The following IMMP2L variants were observed in gnomAD, a reference collection of about 807,000 sequenced individuals.
IMMP2L encodes mitochondrial inner membrane protease subunit 2.
IMMP2L carries 18 observed loss-of-function variants against 19.3 expected under a neutral mutation model. The observed-to-expected ratio is 0.93, with a 90% confidence interval of 0.64 to 1.38. The LOEUF (loss-of-function observed/expected upper bound fraction) is 1.38, where lower values mean the gene tolerates loss of function less well. IMMP2L is among the 40% of genes most tolerant of loss of function. The pLI, the probability that IMMP2L is intolerant of heterozygous loss-of-function variation, is 0.00. For synonymous variants in IMMP2L, 76 were observed against 73.0 expected, an observed-to-expected ratio of 1.04 and a Z score of -0.21; for missense variants, 233 against 218.2, an observed-to-expected ratio of 1.07 and a Z score of -0.43.
At chr7:111,532,253 C>T (rs1847462322) in intron 1 of IMMP2L, among the ~76,000 whole-genome samples, 1 of 152,134 alleles carries the variant, frequency 6.6e-6, no homozygotes, top group Non-Finnish European at 1.5e-5. Flanking sequence ...TTTGCTACCT[C>T]ACATTTTTTC....
At chr7:111,021,820 T>C (rs1585799582) in intron 3 of IMMP2L, among the ~76,000 whole-genome samples, 2 of 151,912 alleles carry the variant, frequency 1.3e-5, no homozygotes, top group Non-Finnish European at 1.5e-5. Flanking sequence ...AAGGCAGAGG[T>C]TGCAGTGAGC....
intron 4 of IMMP2L, among the ~76,000 whole-genome samples, chr7:110,941,726 A>T (rs1282987567): frequency 1.3e-5 from 2 of 152,152 alleles, no homozygotes; most frequent in African/African-American, 4.8e-5. Flanking sequence ...GAGAAAGTGA[A>T]ATCTAATATT....
intron 3 of IMMP2L, among the ~76,000 whole-genome samples, chr7:111,307,992 G>A (rs1823062911): frequency 6.6e-6 from 1 of 151,852 alleles, no homozygotes; most frequent in African/African-American, 2.4e-5. Flanking sequence ...AAGAAATAGA[G>A]ATATAGATTG....
chr7:111,015,191 A>G (rs1457767010), intron 3 of IMMP2L, among the ~76,000 whole-genome samples: 4 of 152,180 alleles, frequency 2.6e-5, no homozygotes, highest in African/African-American at 4.8e-5. Context: ...AACAAATGTG[A>G]TATGTACGTA....
chr7:111,405,197 A>G (rs1240086579), intron 3 of IMMP2L, among the ~76,000 whole-genome samples: 1 of 152,130 alleles, frequency 6.6e-6, no homozygotes, highest in Non-Finnish European at 1.5e-5. Flanking sequence ...GTACTTTTAT[A>G]AAAATTTCAA....
At chr7:110,963,015 T>C (rs1389756083) in intron 4 of IMMP2L, 2 of 1,509,168 alleles carry the variant, frequency 1.3e-6, no homozygotes, top group Non-Finnish European at 1.8e-6. Flanking sequence ...TGTTACAATC[T>C]TATCATCTAA....
At chr7:111,303,834 T>C (rs1172576688) in intron 3 of IMMP2L, among the ~76,000 whole-genome samples, 1 of 151,934 alleles carries the variant, frequency 6.6e-6, no homozygotes, top group Admixed American at 6.6e-5. Flanking sequence ...CATCATTTAA[T>C]GTGCAATAAA....
intron 3 of IMMP2L, among the ~76,000 whole-genome samples, chr7:111,022,932 A>G (rs1304722882): frequency 1.3e-5 from 2 of 152,176 alleles, no homozygotes; most frequent in Non-Finnish European, 2.9e-5. Flanking sequence ...CAGCAAATAC[A>G]CAGAGCAGAT....
intron 1 of IMMP2L, among the ~76,000 whole-genome samples, chr7:111,538,633 TAAA>T (rs34613701): frequency 9.3e-5 from 9 of 97,216 alleles, no homozygotes; most frequent in Admixed American, 2.2e-4. Context: ...ACCCTGTCTC[TAAA>T]AAAAAAAAAA....
intron 2 of IMMP2L, among the ~76,000 whole-genome samples, chr7:111,514,843 G>A (rs1252907074): frequency 6.6e-6 from 1 of 151,812 alleles, no homozygotes; most frequent in Non-Finnish European, 1.5e-5. Context: ...TTCATACTAT[G>A]AGGATAAGGG....
chr7:110,911,270 G>T (rs761264329), intron 4 of IMMP2L, among the ~76,000 whole-genome samples: 2 of 151,956 alleles, frequency 1.3e-5, no homozygotes, highest in Non-Finnish European at 2.9e-5. Flanking sequence ...AAAGACAAAA[G>T]TTACAAAAAT....
chr7:110,701,860 C>T (rs892636913), intron 5 of IMMP2L, among the ~76,000 whole-genome samples: 23 of 152,232 alleles, frequency 1.5e-4, no homozygotes, highest in Admixed American at 2.6e-4. Flanking sequence ...TATCCTATTA[C>T]GGTATATTAG....
chr7:111,347,049 AAAAAG>A (rs1344133431), intron 3 of IMMP2L, among the ~76,000 whole-genome samples: 2 of 152,136 alleles, frequency 1.3e-5, no homozygotes, highest in Admixed American at 1.3e-4. Context: ...AAGAAGGAAA[AAAAAG>A]AAGAGAGGTG....
chr7:111,123,606 T>G lies in IMMP2L; in HGVS notation c.240-160041A>C. The G allele has an allele frequency of 6.2e-7, 1 of 1,613,286 alleles. No individual in the cohort carries two copies. Among genetic ancestry groups the G allele is most frequent in the South Asian group, 1.1e-5 (1 of 91,042 alleles). On this transcript the variant is annotated intron_variant, in intron 3 of 5. Coordinates refer to ENST00000405709, the MANE Select transcript of IMMP2L (RefSeq NM_032549.4). This position sits in a 1 kb window ranked among gnomAD's most constrained non-coding sequence, Gnocchi z 6.4. ...ATCCTATTAATAGAATACGAAGGGG[T>G]GATTTTAGCAATATGCTACACTTAA...
At chr7:110,720,010 GT>G (rs528599171) in intron 5 of IMMP2L, among the ~76,000 whole-genome samples, 339 of 152,276 alleles carry the variant, frequency 2.2e-3, no homozygotes, top group Non-Finnish European at 4.2e-3. Context: ...ACATCTTAGT[GT>G]TTGAAGTCTA....
intron 3 of IMMP2L, among the ~76,000 whole-genome samples, chr7:111,234,834 G>T (rs1490587071): frequency 6.6e-6 from 1 of 151,946 alleles, no homozygotes; most frequent in Non-Finnish European, 1.5e-5. Context: ...ATTTACATCA[G>T]TATTCTTACA....
At chr7:111,471,955 C>T (rs1163468769) in intron 3 of IMMP2L, among the ~76,000 whole-genome samples, 2 of 152,022 alleles carry the variant, frequency 1.3e-5, no homozygotes, top group Admixed American at 1.3e-4. Flanking sequence ...CAGACTAGAA[C>T]CTAGTCCGTG....
chr7:110,718,574 A>C (rs1795371357), intron 5 of IMMP2L, among the ~76,000 whole-genome samples: 1 of 152,202 alleles, frequency 6.6e-6, no homozygotes, highest in Non-Finnish European at 1.5e-5. Context: ...AATGGATAAA[A>C]ACCAGGGAGT....
At chr7:110,805,408 A>G (rs999982688) in intron 5 of IMMP2L, among the ~76,000 whole-genome samples, 6 of 152,218 alleles carry the variant, frequency 3.9e-5, no homozygotes, top group Admixed American at 2.0e-4. Context: ...AAAGCTGTAG[A>G]ATGAACGAAT....
Sources: gnomAD v4.1 joint callset for allele counts (sites outside exome capture counted in the v4.1 genomes callset) on GRCh38, gnomAD v4.1.1 for gene constraint, Gnocchi (gnomAD v3.1) non-coding constraint, MANE v1.5 for transcripts, NCBI Gene and HGNC (gene_info 2026-07-23, HGNC 2026-07-21) for gene names.